ANKS1B: variants seen among roughly 807,000 people sequenced by gnomAD.
ANKS1B encodes ankyrin repeat and sterile alpha motif domain containing 1B.
In ANKS1B, 36 loss-of-function variants were observed where a neutral mutation model predicts 148.3. The observed-to-expected ratio is 0.24, with a 90% CI of 0.19 to 0.32. The LOEUF (loss-of-function observed/expected upper bound fraction) is 0.32. Ranked by LOEUF, ANKS1B falls within the 10% of genes least tolerant of loss-of-function variation. The pLI is 1.00. For synonymous variants in ANKS1B, 542 were observed against 560.8 expected (o/e 0.97, Z 0.47); for missense variants, 1,157 against 1,542.6 (o/e 0.75, Z 4.19).
chr12:98,887,123 T>C (rs2099741857), intron 17 of ANKS1B, among the ~76,000 whole-genome samples: 1 of 152,228 alleles, frequency 6.6e-6, no homozygotes, highest in East Asian at 1.9e-4. Context: ...AGAAAGTAAA[T>C]ATTATAAACA....
intron 14 of ANKS1B, among the ~76,000 whole-genome samples, chr12:99,229,996 A>G (rs908603044): frequency 7.2e-6 from 1 of 139,312 alleles, no homozygotes; most frequent in African/African-American, 2.6e-5. Flanking sequence ...TAAGAAAATA[A>G]TAGATGGAAA....
At chr12:99,584,503 T>C (rs932567642) in intron 9 of ANKS1B, among the ~76,000 whole-genome samples, 1 of 151,954 alleles carries the variant, frequency 6.6e-6, no homozygotes, top group African/African-American at 2.4e-5. Flanking sequence ...GAGGCTGAGT[T>C]AAAGGATTGT....
chr12:99,377,974 G>A (rs1429316546), intron 12 of ANKS1B, among the ~76,000 whole-genome samples: 1 of 152,154 alleles, frequency 6.6e-6, no homozygotes, highest in Non-Finnish European at 1.5e-5. Context: ...GGAATACTCA[G>A]GCCATTCCTA....
At chr12:99,659,768 T>C (rs2098467246) in intron 8 of ANKS1B, among the ~76,000 whole-genome samples, 2 of 152,044 alleles carry the variant, frequency 1.3e-5, no homozygotes, top group African/African-American at 4.8e-5. Context: ...GTAAGAATTA[T>C]CCCTATTTTA....
intron 17 of ANKS1B, among the ~76,000 whole-genome samples, chr12:98,910,762 A>C (rs1208217935): frequency 6.6e-6 from 1 of 152,214 alleles, no homozygotes; most frequent in African/African-American, 2.4e-5. Context: ...AAATGTCTTC[A>C]TTGACATAAA....
At chr12:98,862,058 C>T (rs1032986079) in intron 17 of ANKS1B, among the ~76,000 whole-genome samples, 2 of 152,086 alleles carry the variant, frequency 1.3e-5, no homozygotes, top group Admixed American at 6.6e-5. Context: ...TTTAGAGTGA[C>T]AGATTTGCCA....
chr12:99,487,952 T>C (rs1449290505), intron 10 of ANKS1B, among the ~76,000 whole-genome samples: 2 of 152,204 alleles, frequency 1.3e-5, no homozygotes, highest in African/African-American at 4.8e-5. Context: ...TTTCTGTTTC[T>C]CAAAATCCTA....
chr12:98,849,537 T>C (rs2099509923), intron 17 of ANKS1B, among the ~76,000 whole-genome samples: 1 of 152,236 alleles, frequency 6.6e-6, no homozygotes, highest in African/African-American at 2.4e-5. Context: ...TACATAAGTA[T>C]GGCTTGTTTT....
At chr12:99,857,826 C>G (rs540830096) in intron 1 of ANKS1B, among the ~76,000 whole-genome samples, 90 of 152,240 alleles carry the variant, frequency 5.9e-4, no homozygotes, top group African/African-American at 2.2e-3. Context: ...GGATAATTGA[C>G]TAGCCACATG....
intron 14 of ANKS1B, among the ~76,000 whole-genome samples, chr12:99,211,327 G>T (rs1054899715): frequency 1.3e-5 from 2 of 152,166 alleles, no homozygotes; most frequent in African/African-American, 4.8e-5. Context: ...AAGAAACCAG[G>T]AGAGTGAGAG....
intron 8 of ANKS1B, among the ~76,000 whole-genome samples, chr12:99,714,760 G>A (rs2057081371): frequency 1.3e-5 from 2 of 152,046 alleles, no homozygotes; most frequent in Admixed American, 1.3e-4. Flanking sequence ...AAATTAGACT[G>A]ATAAATAACC....
chr12:99,411,869 A>G (rs1035023905), intron 11 of ANKS1B, among the ~76,000 whole-genome samples: 25 of 152,080 alleles, frequency 1.6e-4, no homozygotes, highest in Non-Finnish European at 2.8e-4. Context: ...TGTTTTATAT[A>G]CTGGGAGTAT....
At chr12:98,987,353 T>A (rs2099924079) in intron 17 of ANKS1B, among the ~76,000 whole-genome samples, 1 of 152,126 alleles carries the variant, frequency 6.6e-6, no homozygotes, top group Admixed American at 6.6e-5. Context: ...GGAACATATA[T>A]TTCTAAAGTA....
At chr12:99,081,032 C>T (rs2049545943) in intron 16 of ANKS1B, among the ~76,000 whole-genome samples, 1 of 152,052 alleles carries the variant, frequency 6.6e-6, no homozygotes, top group South Asian at 2.1e-4. Flanking sequence ...TCAAGCATTG[C>T]AAAAGACAGC....
intron 9 of ANKS1B, among the ~76,000 whole-genome samples, chr12:99,619,609 G>A (rs981010612): frequency 6.6e-6 from 1 of 151,746 alleles, no homozygotes; most frequent in African/African-American, 2.4e-5. Context: ...CCTGCTCACC[G>A]AGATCAGCAG....
intron 12 of ANKS1B, among the ~76,000 whole-genome samples, chr12:99,265,301 C>T (rs2076337938): frequency 6.6e-6 from 1 of 152,088 alleles, no homozygotes; most frequent in Non-Finnish European, 1.5e-5. Flanking sequence ...TATACTTTTA[C>T]AAACTGTCCA....
rs142251486 is a variant in ANKS1B, at chr12:98,917,667, T to C, written c.2779-85531A>G. The stretch of plus-strand genomic sequence containing the variant: ...AAAATTATTTATCCCAGTTAATGAA[T>C]CTCATGATAATAAAAATGCCTGACA... On this transcript the variant is annotated intron_variant, in intron 17 of 26. Transcript: ENST00000683438. Among the ~76,000 whole-genome samples the C allele has an allele frequency of 7.2e-5, 11 of 152,286 alleles. No homozygotes were observed. In the East Asian group the frequency reaches 2.1e-3, roughly 29 times the overall value.
At chr12:99,740,749 C>T (rs2060020712) in intron 8 of ANKS1B, among the ~76,000 whole-genome samples, 2 of 152,116 alleles carry the variant, frequency 1.3e-5, no homozygotes, top group Non-Finnish European at 1.5e-5. Context: ...CCATGGAGGG[C>T]AAGCTGAAGC....
chr12:98,979,668 T>TG (rs1040645508), intron 17 of ANKS1B, among the ~76,000 whole-genome samples: 2 of 38,168 alleles, frequency 5.2e-5, no homozygotes, highest in African/African-American at 1.3e-3. Context: ...TGCTTTTAGA[T>TG]TTTTTTTTTT....
Sources: gnomAD v4.1 joint callset for allele counts (sites outside exome capture counted in the v4.1 genomes callset) on GRCh38, gnomAD v4.1.1 for gene constraint, MANE v1.5 for transcripts, NCBI Gene and HGNC (gene_info 2026-07-23, HGNC 2026-07-21) for gene names.